Variants in NMRK1 observed in about 807,000 individuals in gnomAD.
NMRK1 encodes the protein nicotinamide riboside kinase 1.
A neutral mutation model predicts 29.9 loss-of-function variants in NMRK1; 28 were observed. The observed-to-expected ratio is 0.94, with a 90% CI of 0.69 to 1.28. The LOEUF (loss-of-function observed/expected upper bound fraction) is 1.28, where lower values mean the gene tolerates loss of function less well. Among genes scored for constraint, NMRK1 ranks in the 50% most tolerant of loss-of-function variants. NMRK1 has a pLI of 0.00. For synonymous variants in NMRK1, 58 were observed against 73.0 expected (o/e 0.79, Z 1.05); for missense variants, 218 against 233.1 (o/e 0.94, Z 0.42).
intron 4 of NMRK1, among the ~76,000 whole-genome samples, chr9:75,071,887 T>C (rs1448784162): frequency 6.6e-6 from 1 of 152,066 alleles, no homozygotes; most frequent in Non-Finnish European, 1.5e-5. Context: ...CACTGCCTCT[T>C]TCCACCTGAG....
At position 75,061,661 on chromosome 9, in the gene NMRK1, A is replaced by C. The variant is rs1413855505; in HGVS notation, c.581-94T>G. ...ACAACAGTAAATCTAAGGATGTTTA[A>C]ATTAGAGGGATTCTGGAGCCAAAAA... On this transcript the variant is annotated intron_variant, in intron 8 of 8. Coordinates refer to ENST00000361092, the MANE Select transcript of NMRK1 (RefSeq NM_017881.3). 4 of 1,073,754 alleles carry C rather than the reference A, an allele frequency of 3.7e-6. No homozygotes were observed. The Admixed American group carries it at 9.2e-5, about 25-fold the overall frequency. The allele number at this position is 1,073,754 out of a possible 1,614,324, so 66.5% of individuals were successfully genotyped here. A position where few individuals can be genotyped will look rare whatever the true frequency, so the allele number is the denominator to read the frequency against.
chr9:75,066,242 G>GTAGCCA, intron 8 of NMRK1: 1 of 517,156 alleles, frequency 1.9e-6, no homozygotes, highest in Non-Finnish European at 3.9e-6. Context: ...TCTTTCTGCT[G>GTAGCCA]TAGCCATATT....
intron 2 of NMRK1, among the ~76,000 whole-genome samples, chr9:75,082,543 C>T (rs978540985): frequency 1.3e-5 from 2 of 152,094 alleles, no homozygotes; most frequent in Non-Finnish European, 2.9e-5. Flanking sequence ...TATTTGCATG[C>T]CTGCCTATGG....
chr9:75,071,500 TG>T (rs2118094290), intron 4 of NMRK1, among the ~76,000 whole-genome samples: 1 of 152,312 alleles, frequency 6.6e-6, no homozygotes, highest in Admixed American at 6.5e-5. Context: ...TGGTGTCTGT[TG>T]ATTGGTTTTT....
chr9:75,071,825 G>A (rs550102055), intron 4 of NMRK1, among the ~76,000 whole-genome samples: 19 of 152,274 alleles, frequency 1.2e-4, no homozygotes, highest in Admixed American at 5.9e-4. Flanking sequence ...CTGCTGACAG[G>A]AGCTGACACG....
At chr9:75,078,190 C>T (rs1824114061) in intron 2 of NMRK1, 3 of 1,368,292 alleles carry the variant, frequency 2.2e-6, no homozygotes, top group Admixed American at 2.8e-5. Flanking sequence ...AAAATATTCA[C>T]ATGGTTCATA....
chr9:75,065,687 G>T (rs1192174696), intron 8 of NMRK1, among the ~76,000 whole-genome samples: 2 of 152,136 alleles, frequency 1.3e-5, no homozygotes, highest in Non-Finnish European at 2.9e-5. Flanking sequence ...TGTGATGTAG[G>T]CCTGGCCAAT....
chr9:75,066,431 C>T (rs1012519062), intron 8 of NMRK1: 43 of 401,438 alleles, frequency 1.1e-4, no homozygotes, highest in African/African-American at 8.9e-4. Context: ...TAAAAAAAAT[C>T]ATCAGCATTT....
At chr9:75,078,054 T>C (rs1008076724) in intron 2 of NMRK1, among the ~76,000 whole-genome samples, 1 of 152,214 alleles carries the variant, frequency 6.6e-6, no homozygotes, top group African/African-American at 2.4e-5. Context: ...TCTGATGTAC[T>C]TAATAATAAG....
chr9:75,086,776 G>A (rs935590277), intron 1 of NMRK1, among the ~76,000 whole-genome samples: 1 of 152,110 alleles, frequency 6.6e-6, no homozygotes, highest in South Asian at 2.1e-4. Context: ...AGAGAAAAAT[G>A]TTTCCAGGAC....
intron 4 of NMRK1, among the ~76,000 whole-genome samples, chr9:75,071,045 TAAACCAAA>T (rs1823669689): frequency 1.3e-5 from 2 of 152,114 alleles, no homozygotes; most frequent in Non-Finnish European, 2.9e-5. Flanking sequence ...TTTTATGTCT[TAAACCAAA>T]TTTGAGAAGT....
Position 75,069,762 on chromosome 9 carries a change from T to C in NMRK1, c.369A>G (p.Glu123=), listed in dbSNP as rs761384631. 2 of 1,611,894 alleles carry C rather than the reference T, an allele frequency of 1.2e-6. No individual in the cohort carries two copies. Among genetic ancestry groups the C allele is most frequent in the African/African-American group, 2.7e-5 (2 of 74,798 alleles). Reference sequence around the variant, plus strand: ...CTTACCTCCTCCTCCTTTTACATTCTTCATATGGAATAGTCAGGAAATAGC... The same window carrying C: ...CTTACCTCCTCCTCCTTTTACATTCCTCATATGGAATAGTCAGGAAATAGC... ...NRSYFLTIPY[E]ECKRRRSTRV... The change falls in exon 6 of 9, where the codon GAA becomes GAG. Residue 123 remains glutamate, a synonymous_variant. Transcript: ENST00000361092.
In NMRK1 at chr9:75,069,114, C is replaced by T. The variant is rs756857167; in HGVS notation, c.390-12G>A. The T allele has an allele frequency of 1.1e-5, 18 of 1,567,568 alleles. No individual in the cohort carries two copies. The highest frequency in any genetic ancestry group is 1.6e-5 in the Non-Finnish European group (18 of 1,139,974). On this transcript the variant is annotated splice_polypyrimidine_tract_variant and intron_variant, in intron 6 of 8. Transcript: ENST00000361092. Reference sequence around the variant, plus strand: ...GATAGACCCTTGTACTATCAAAACACGTAGGAAACTTTATGTTGACAGAAA... The same window carrying T: ...GATAGACCCTTGTACTATCAAAACATGTAGGAAACTTTATGTTGACAGAAA...
At chr9:75,081,664 T>A (rs575262070) in intron 2 of NMRK1, among the ~76,000 whole-genome samples, 3 of 152,264 alleles carry the variant, frequency 2.0e-5, no homozygotes, top group Admixed American at 6.5e-5. Flanking sequence ...AGGTTCCATG[T>A]CTGTTTTCTA....
At chr9:75,076,770 T>C (rs1034011671) in intron 4 of NMRK1, among the ~76,000 whole-genome samples, 3 of 152,024 alleles carry the variant, frequency 2.0e-5, no homozygotes, top group African/African-American at 7.2e-5. Flanking sequence ...TTGTATTTTT[T>C]TGGGTAGAGA....
intron 8 of NMRK1, among the ~76,000 whole-genome samples, chr9:75,063,198 C>A (rs112109535): frequency 0.14 from 20,695 of 148,718 alleles, 1,788 homozygotes; most frequent in Non-Finnish European, 0.19. Flanking sequence ...CTCAGTTACT[C>A]GGGAGGCTGA....
rs1465511613 is a variant in NMRK1, at chr9:75,060,807, C to CAGAAA, written c.*740_*741insTTTCT. The CAGAAA allele has an allele frequency of 1.3e-4, 19 of 147,620 alleles. No individual in the cohort carries two copies. Among genetic ancestry groups the CAGAAA allele is most frequent in the African/African-American group, 4.8e-4 (19 of 39,274 alleles). The allele number at this position is 147,620 out of a possible 1,614,324, so 9.1% of individuals were successfully genotyped here. A position where few individuals can be genotyped will look rare whatever the true frequency, so the allele number is the denominator to read the frequency against. On this transcript the variant is annotated 3_prime_UTR_variant, in exon 9 of 9. Coordinates refer to ENST00000361092, the MANE Select transcript of NMRK1 (RefSeq NM_017881.3). ...GAGGGGGGAGAAAGAAACCAGAAAC[C>CAGAAA]CTATTTGTAACAAAGTCTCAACAAT...
intron 8 of NMRK1, 78 bp downstream of exon 8, chr9:75,066,679 T>C: frequency 1.2e-6 from 1 of 835,564 alleles, no homozygotes; most frequent in South Asian, 1.3e-5. Context: ...CATTCTGGTA[T>C]TCCATTCTTT....
intron 6 of NMRK1, 57 bp downstream of exon 6, chr9:75,069,685 T>C (rs1823580958): frequency 7.1e-7 from 1 of 1,399,236 alleles, no homozygotes; most frequent in Non-Finnish European, 1.0e-6. Flanking sequence ...TGTCCTCATT[T>C]TTCTTCTACA....
Sources: gnomAD v4.1 joint callset for allele counts (sites outside exome capture counted in the v4.1 genomes callset) on GRCh38, gnomAD v4.1.1 for gene constraint, MANE v1.5 for transcripts, NCBI Gene and HGNC (gene_info 2026-07-23, HGNC 2026-07-21) for gene names.